ANXA8: variants seen among roughly 807,000 people sequenced by gnomAD.
ANXA8 encodes annexin A8.
In ANXA8, 9 loss-of-function variants were observed where a neutral mutation model predicts 26.8. The observed-to-expected ratio is 0.34, with a 90% CI of 0.20 to 0.59. The LOEUF is 0.59. Ranked by LOEUF, ANXA8 falls within the 20% of genes least tolerant of loss-of-function variation. The probability of loss-of-function intolerance (pLI) is 0.84; values close to 1 mark genes in which losing one functional copy is unlikely to be tolerated. For synonymous variants in ANXA8, 39 were observed against 94.8 expected (o/e 0.41, Z 3.42); for missense variants, 83 against 238.5 (o/e 0.35, Z 4.29).
chr10:47,679,760 A>C, the ANXA8 span, among the ~76,000 whole-genome samples: 1 of 151,822 alleles, frequency 6.6e-6, no homozygotes, highest in Non-Finnish European at 1.5e-5. Flanking sequence ...CTCTCAAAAA[A>C]AAGTTTAAAA....
the ANXA8 span, among the ~76,000 whole-genome samples, chr10:47,743,277 TACACAC>T: frequency 8.7e-5 from 8 of 92,212 alleles, no homozygotes; most frequent in African/African-American, 1.9e-4. Flanking sequence ...TATATATATA[TACACAC>T]ATATATATAT....
the ANXA8 span, among the ~76,000 whole-genome samples, chr10:47,776,836 C>T: frequency 5.9e-5 from 9 of 151,752 alleles, no homozygotes; most frequent in Admixed American, 5.9e-4. Context: ...TTCTCCCTCA[C>T]CTGCCTGCAG....
chr10:47,553,386 G>A, the ANXA8 span: 1 of 154,288 alleles, frequency 6.5e-6, no homozygotes, highest in African/African-American at 2.4e-5. Flanking sequence ...GGAGGACCGG[G>A]GGAGGACCTT....
chr10:47,633,518 C>A, the ANXA8 span, among the ~76,000 whole-genome samples: 1 of 90,374 alleles, frequency 1.1e-5, no homozygotes, highest in Non-Finnish European at 2.1e-5. Flanking sequence ...AACACTCCAA[C>A]CCTAGCCCCT....
chr10:47,954,006 G>A, the ANXA8 span, among the ~76,000 whole-genome samples: 2,748 of 149,210 alleles, frequency 0.018, 4 homozygotes, highest in Non-Finnish European at 0.028. Flanking sequence ...ACTGAAAATA[G>A]AACTACCCTA....
At chr10:47,586,896 A>G in the ANXA8 span, among the ~76,000 whole-genome samples, 3 of 146,190 alleles carry the variant, frequency 2.1e-5, no homozygotes, top group Admixed American at 2.0e-4. Context: ...TAGCACCTTC[A>G]TCTCTTGAGA....
At chr10:47,657,141 C>A in the ANXA8 span, among the ~76,000 whole-genome samples, 1 of 151,332 alleles carries the variant, frequency 6.6e-6, no homozygotes, top group Non-Finnish European at 1.5e-5. Flanking sequence ...ATTGTCACCA[C>A]CACACATTAC....
At chr10:47,951,810 C>A in the ANXA8 span, among the ~76,000 whole-genome samples, 1 of 46,304 alleles carries the variant, frequency 2.2e-5, no homozygotes, top group Non-Finnish European at 3.7e-5. Flanking sequence ...GACTCTGTCT[C>A]CAAAAAAAAA....
the ANXA8 span, among the ~76,000 whole-genome samples, chr10:47,657,517 G>C: frequency 6.6e-6 from 1 of 151,772 alleles, no homozygotes; most frequent in Non-Finnish European, 1.5e-5. Flanking sequence ...AACCTACTTC[G>C]TTTCTTGAAA....
the ANXA8 span, among the ~76,000 whole-genome samples, chr10:47,971,234 T>C: frequency 6.6e-6 from 1 of 150,990 alleles, no homozygotes. Context: ...CTCCATGACT[T>C]TGAGGCCGTG....
the ANXA8 span, among the ~76,000 whole-genome samples, chr10:47,526,532 A>G: frequency 7.6e-6 from 1 of 131,658 alleles, no homozygotes; most frequent in African/African-American, 3.4e-5. Context: ...CAGATACACA[A>G]ACAAAGGCTT....
At chr10:47,657,043 T>C in the ANXA8 span, among the ~76,000 whole-genome samples, 1 of 148,448 alleles carries the variant, frequency 6.7e-6, no homozygotes, top group African/African-American at 2.5e-5. Context: ...TTAAATGTTA[T>C]ATTTATTTTT....
the ANXA8 span, among the ~76,000 whole-genome samples, chr10:47,522,282 CTT>C: frequency 6.9e-6 from 1 of 145,036 alleles, no homozygotes; most frequent in Non-Finnish European, 1.5e-5. Flanking sequence ...CCCCACCTCT[CTT>C]TTAGAACAAG....
the ANXA8 span, among the ~76,000 whole-genome samples, chr10:47,738,545 AG>A: frequency 1.7e-4 from 26 of 151,732 alleles, no homozygotes; most frequent in Admixed American, 1.2e-3. Flanking sequence ...AGCTTTATTT[AG>A]CAGTCCACAT....
the ANXA8 span, among the ~76,000 whole-genome samples, chr10:47,548,520 C>T: frequency 6.6e-6 from 1 of 152,076 alleles, no homozygotes; most frequent in African/African-American, 2.4e-5. Flanking sequence ...AGGCTGGTCT[C>T]GAACTCCCGA....
At chr10:47,695,869 A>T in the ANXA8 span, among the ~76,000 whole-genome samples, 9 of 151,908 alleles carry the variant, frequency 5.9e-5, no homozygotes, top group Non-Finnish European at 1.0e-4. Flanking sequence ...CTCTCTTTCC[A>T]GTTGGAAAAT....
chr10:47,640,683 CATTT>C, the ANXA8 span, among the ~76,000 whole-genome samples: 1 of 120,792 alleles, frequency 8.3e-6, no homozygotes, highest in Non-Finnish European at 1.6e-5. Context: ...ATTTATCATT[CATTT>C]AAGTAAAATT....
the ANXA8 span, among the ~76,000 whole-genome samples, chr10:47,671,769 A>G: frequency 6.6e-6 from 1 of 152,044 alleles, no homozygotes; most frequent in African/African-American, 2.4e-5. Context: ...TCTTAACTAT[A>G]TTGCTTTATG....
At chr10:47,750,983 G>T in the ANXA8 span, 22 of 144,050 alleles carry the variant, frequency 1.5e-4, no homozygotes, top group South Asian at 5.0e-3. Context: ...TTCAAAAGGT[G>T]CAGAGTAAGT....
Sources: allele counts gnomAD v4.1 joint callset (sites outside exome capture counted in the v4.1 genomes callset), GRCh38; gene constraint gnomAD v4.1.1; transcripts MANE v1.5; gene names NCBI Gene and HGNC (gene_info 2026-07-23, HGNC 2026-07-21).